The following RPRD2 variants were observed in gnomAD, a reference collection of about 807,000 sequenced individuals.
RPRD2 encodes the protein regulation of nuclear pre-mRNA domain containing 2, also known as regulation of nuclear pre-mRNA domain-containing protein 2.
Under a neutral mutation model 104.4 loss-of-function variants are expected in RPRD2, and 12 were observed. That is an observed-to-expected ratio of 0.11 (90% CI 0.07 to 0.19). The LOEUF (loss-of-function observed/expected upper bound fraction) is 0.19, where lower values mean the gene tolerates loss of function less well. Ranked by LOEUF, RPRD2 falls within the 10% of genes least tolerant of loss-of-function variation. The pLI, the probability that RPRD2 is intolerant of heterozygous loss-of-function variation, is 1.00. For synonymous variants in RPRD2, 714 were observed against 684.9 expected, an observed-to-expected ratio of 1.04 and a Z score of -0.66; for missense variants, 1,543 against 1,790.1, an observed-to-expected ratio of 0.86 and a Z score of 2.49.
intron 2 of RPRD2, among the ~76,000 whole-genome samples, chr1:150,425,004 A>T (rs1041570979): frequency 6.6e-6 from 1 of 152,144 alleles, no homozygotes; most frequent in Non-Finnish European, 1.5e-5. Flanking sequence ...ATGTCTAGAG[A>T]TACAATGGTT....
Position 150,440,988 on chromosome 1 carries a change from C to T in RPRD2, c.401C>T (p.Pro134Leu). Reference protein sequence around the residue: ...FKIWEDRNVYPEEMIVALREA... With the variant: ...FKIWEDRNVYLEEMIVALREA... ...ATCTGGGAAGATAGAAATGTATACC[C>T]AGAAGAAATGATTGTGGCATTGAGA... Residue 134 changes from proline (P) to leucine (L), a missense_variant, in exon 3 of 11, where the codon CCA becomes CTA. By Grantham distance (98) the Pro-to-Leu change is moderately conservative. Coordinates refer to ENST00000369068, the MANE Select transcript of RPRD2 (RefSeq NM_015203.5). 1 of 1,578,600 alleles carries T rather than the reference C, an allele frequency of 6.3e-7. No individual in the cohort carries two copies. Among genetic ancestry groups the T allele is most frequent in the South Asian group, 1.2e-5 (1 of 85,202 alleles).
At chr1:150,445,085 G>A (rs1447578130) in intron 6 of RPRD2, among the ~76,000 whole-genome samples, 1 of 152,130 alleles carries the variant, frequency 6.6e-6, no homozygotes, top group Non-Finnish European at 1.5e-5. Flanking sequence ...TGCTTGGGAG[G>A]CTGAGGCAAG....
intron 8 of RPRD2, 27 bp downstream of exon 8, chr1:150,457,597 A>C: frequency 6.3e-7 from 1 of 1,596,876 alleles, no homozygotes; most frequent in East Asian, 2.2e-5. Context: ...TTAATAGACA[A>C]CTTATTCCTT....
chr1:150,442,003 T>C, intron 4 of RPRD2, 45 bp downstream of exon 4: 1 of 1,429,534 alleles, frequency 7.0e-7, no homozygotes, highest in Non-Finnish European at 9.7e-7. Flanking sequence ...CTCCTCTTTT[T>C]GGAGCAGAAG....
intron 2 of RPRD2, among the ~76,000 whole-genome samples, chr1:150,418,151 TAG>T (rs1664500874): frequency 6.6e-6 from 1 of 152,116 alleles, no homozygotes; most frequent in South Asian, 2.1e-4. Flanking sequence ...GTATTTTTAG[TAG>T]AGATGGGGTT....
intron 8 of RPRD2, 39 bp downstream of exon 8, chr1:150,457,609 T>C (rs1553897909): frequency 6.3e-7 from 1 of 1,583,216 alleles, no homozygotes; most frequent in Admixed American, 1.7e-5. Context: ...TTATTCCTTA[T>C]CTGTTTTGCC....
chr1:150,456,783 GGT>G (rs1667560042), intron 7 of RPRD2, among the ~76,000 whole-genome samples: 1 of 151,312 alleles, frequency 6.6e-6, no homozygotes, highest in South Asian at 2.1e-4. Context: ...AAATTAGCCG[GGT>G]GTGGTGGTGC....
At chr1:150,426,055 G>A (rs11590787) in intron 2 of RPRD2, among the ~76,000 whole-genome samples, 49,819 of 151,880 alleles carry the variant, frequency 0.33, 8,861 homozygotes, top group Non-Finnish European at 0.4. Flanking sequence ...GAGCTGTGGT[G>A]GTGTCACTGC....
chr1:150,394,696 A>G (rs900145224), intron 1 of RPRD2, among the ~76,000 whole-genome samples: 2 of 152,020 alleles, frequency 1.3e-5, no homozygotes. Flanking sequence ...GGTTCAAGCA[A>G]TTCTCCACCT....
At chr1:150,387,567 CTTTTTTTTTTTTTTT>C (rs562476167) in intron 1 of RPRD2, among the ~76,000 whole-genome samples, 50 of 73,780 alleles carry the variant, frequency 6.8e-4, no homozygotes, top group East Asian at 2.6e-3. Flanking sequence ...TGCAACAGAC[CTTTTTTTTTTTTTTT>C]TTTTTTTTTT....
At chr1:150,465,937 T>C (rs1233625833) in intron 10 of RPRD2, among the ~76,000 whole-genome samples, 3 of 142,906 alleles carry the variant, frequency 2.1e-5, no homozygotes, top group Non-Finnish European at 4.5e-5. Context: ...CACACACCTG[T>C]AGTGTGCTGA....
At chr1:150,368,214 T>G (rs1266608861) in intron 1 of RPRD2, among the ~76,000 whole-genome samples, 1 of 144,134 alleles carries the variant, frequency 6.9e-6, no homozygotes, top group Non-Finnish European at 1.5e-5. Flanking sequence ...TGTTTTTTTT[T>G]TTTTTTTTTT....
At chr1:150,435,776 G>C (rs1325834249) in intron 2 of RPRD2, among the ~76,000 whole-genome samples, 1 of 152,240 alleles carries the variant, frequency 6.6e-6, no homozygotes, top group Non-Finnish European at 1.5e-5. Flanking sequence ...CAGAGCTTCA[G>C]CTAGGATCAC....
chr1:150,396,198 G>GT (rs34604351), intron 1 of RPRD2, among the ~76,000 whole-genome samples: 1,739 of 134,024 alleles, frequency 0.013, 10 homozygotes, highest in Non-Finnish European at 0.019. Flanking sequence ...TCGTCTGTGT[G>GT]TTTTTTTTTT....
chr1:150,388,392 ATGTATATACG>A (rs1223113280), intron 1 of RPRD2, among the ~76,000 whole-genome samples: 12 of 151,272 alleles, frequency 7.9e-5, no homozygotes, highest in African/African-American at 2.2e-4. Flanking sequence ...ACGTATACAC[ATGTATATACG>A]TGTATATACA....
At position 150,473,045 on chromosome 1, in the gene RPRD2, G is replaced by A. The variant is rs200636649; in HGVS notation, c.4097G>A (p.Arg1366Gln). Residue 1366 changes from arginine to glutamine, a missense_variant, in exon 11 of 11, where the codon CGA becomes CAA. Arg to Gln is a conservative substitution (Grantham distance 43). Around this residue, in one of 4 missense-constraint regions of RPRD2, gnomAD observed 880 missense variants for 885.6 expected, o/e 0.99. Coordinates refer to ENST00000369068, the MANE Select transcript of RPRD2 (RefSeq NM_015203.5). ...DLNGPGLSRV[R>Q]ESLTLPSHSL... is the part of the protein sequence containing the mutation. ...AACGGCCCTGGCCTTAGCCGTGTACGAGAGAGCCTCACCCTACCCTCCCAT... is the reference window on the plus strand; with the variant it reads ...AACGGCCCTGGCCTTAGCCGTGTACAAGAGAGCCTCACCCTACCCTCCCAT... 64 of 1,613,978 alleles carry A rather than the reference G, an allele frequency of 4.0e-5. 1 individual carries two copies. The highest frequency in any genetic ancestry group is 6.6e-5 in the South Asian group (6 of 91,088).
intron 7 of RPRD2, among the ~76,000 whole-genome samples, chr1:150,452,081 G>C (rs587713892): frequency 1.3e-5 from 2 of 150,356 alleles, no homozygotes; most frequent in Non-Finnish European, 2.9e-5. Flanking sequence ...GGCAGAGGTT[G>C]CAGTGAGCCG....
chr1:150,381,689 A>T (rs905395080), intron 1 of RPRD2, among the ~76,000 whole-genome samples: 8 of 151,936 alleles, frequency 5.3e-5, no homozygotes, highest in Non-Finnish European at 1.2e-4. Flanking sequence ...TATTTTTAGT[A>T]GAGACGGGGT....
intron 1 of RPRD2, among the ~76,000 whole-genome samples, chr1:150,392,306 G>A (rs947267052): frequency 3.7e-4 from 57 of 152,254 alleles, no homozygotes; most frequent in African/African-American, 1.3e-3. Flanking sequence ...AGGAGTTCCA[G>A]CCAGTCTGGC....
Sources: gnomAD v4.1 joint callset for allele counts (sites outside exome capture counted in the v4.1 genomes callset) on GRCh38, gnomAD v4.1.1 for gene constraint, gnomAD v4.1.1 regional missense constraint, MANE v1.5 for transcripts, NCBI Gene and HGNC (gene_info 2026-07-23, HGNC 2026-07-21) for gene names.